Variants in PRKCE observed in about 807,000 individuals in gnomAD.
PRKCE encodes protein kinase C epsilon, also known as protein kinase C epsilon type.
In PRKCE, 16 loss-of-function variants were observed where a neutral mutation model predicts 85.4. The ratio of observed to expected loss-of-function variants is 0.19; its 90% CI spans 0.13 to 0.28. The LOEUF is 0.28. Ranked by LOEUF, PRKCE falls within the 10% of genes least tolerant of loss-of-function variation. PRKCE has a pLI of 1.00. For missense variants in PRKCE, 573 were observed against 975.2 expected, an observed-to-expected ratio of 0.59 and a Z score of 5.49; for synonymous variants, 388 against 371.5, an observed-to-expected ratio of 1.04 and a Z score of -0.51.
intron 10 of PRKCE, among the ~76,000 whole-genome samples, chr2:46,039,818 C>T (rs1421049266): frequency 1.3e-5 from 2 of 152,288 alleles, no homozygotes; most frequent in South Asian, 2.1e-4. Context: ...CTCAGTGGCT[C>T]ATATTCTCCA....
chr2:46,067,459 T>C (rs1574382516), intron 10 of PRKCE, among the ~76,000 whole-genome samples: 1 of 151,920 alleles, frequency 6.6e-6, no homozygotes. Flanking sequence ...AGGCAGTGAG[T>C]TTTATGCTGT....
At chr2:45,667,760 C>T (rs114963835) in intron 1 of PRKCE, among the ~76,000 whole-genome samples, 1 of 151,894 alleles carries the variant, frequency 6.6e-6, no homozygotes, top group Non-Finnish European at 1.5e-5. Flanking sequence ...ACCTCCACAC[C>T]TAGTTTTCCT....
chr2:46,145,841 C>T lies in PRKCE; in HGVS notation c.1731+610C>T, dbSNP rs972661039. Among the ~76,000 whole-genome samples, 19 of 152,018 alleles carry T rather than the reference C, an allele frequency of 1.2e-4. No individual in the cohort carries two copies. The highest frequency in any genetic ancestry group is 4.6e-4 in the African/African-American group (19 of 41,362). On this transcript the variant is annotated intron_variant, in intron 12 of 14. Coordinates refer to ENST00000306156, the MANE Select transcript of PRKCE (RefSeq NM_005400.3). The surrounding 1 kb of genome is among the most constrained non-coding windows in gnomAD (Gnocchi z 4.6). ...CATAATTGCACCATTGCACTCCAGC[C>T]TGGGTGACAGAGCAAGACCCTGTCT...
intron 10 of PRKCE, among the ~76,000 whole-genome samples, chr2:46,035,964 A>T (rs574654534): frequency 6.6e-6 from 1 of 152,338 alleles, no homozygotes; most frequent in South Asian, 2.1e-4. Context: ...AACAAATGAG[A>T]CTGCAAAGCA....
chr2:45,652,061 G>C lies in PRKCE; in HGVS notation c.-40G>C. Reference sequence around the variant, plus strand: ...TCGGTTCTTCATTCCTGCCCTCGGGGCAGACGGAGTGACCCCGGCCCCCAC... The same window carrying C: ...TCGGTTCTTCATTCCTGCCCTCGGGCCAGACGGAGTGACCCCGGCCCCCAC... On this transcript the variant is annotated 5_prime_UTR_variant, in exon 1 of 15. Transcript: ENST00000306156. The surrounding 1 kb of genome is among the most constrained non-coding windows in gnomAD (Gnocchi z 7.7). 6.8e-7 allele frequency: 1 copy of C among 1,472,072 alleles called. No individual in the cohort carries two copies. The highest frequency in any genetic ancestry group is 9.2e-7 in the Non-Finnish European group (1 of 1,090,236). 91.2% of individuals were successfully genotyped at this position (1,472,072 alleles called of 1,614,324 possible).
intron 6 of PRKCE, among the ~76,000 whole-genome samples, chr2:45,994,890 T>G (rs533154704): frequency 6.6e-6 from 1 of 152,366 alleles, no homozygotes; most frequent in Admixed American, 6.5e-5. Context: ...TGGACCACTA[T>G]GCATTCCTAC....
intron 6 of PRKCE, among the ~76,000 whole-genome samples, chr2:45,990,379 G>A (rs996421420): frequency 1.3e-5 from 2 of 152,188 alleles, no homozygotes; most frequent in African/African-American, 2.4e-5. Flanking sequence ...CTGTTCATTA[G>A]AAGAGAATCA....
intron 14 of PRKCE, among the ~76,000 whole-genome samples, chr2:46,179,621 A>T (rs1679773791): frequency 6.6e-6 from 1 of 152,210 alleles, no homozygotes. Flanking sequence ...ATACCCACAA[A>T]GTCCCTAAAC....
intron 8 of PRKCE, among the ~76,000 whole-genome samples, chr2:46,005,546 G>C (rs1307558613): frequency 6.6e-6 from 1 of 152,122 alleles, no homozygotes; most frequent in Admixed American, 6.5e-5. Flanking sequence ...TCAGAGTGTG[G>C]AAAAGTTCTG....
intron 2 of PRKCE, among the ~76,000 whole-genome samples, chr2:45,917,136 T>G (rs1362836956): frequency 2.6e-5 from 4 of 152,174 alleles, no homozygotes; most frequent in African/African-American, 9.7e-5. Flanking sequence ...TAGAGCCCAG[T>G]GGTCTGTTTT....
chr2:45,801,506 AG>A (rs1465149736), intron 1 of PRKCE, among the ~76,000 whole-genome samples: 4 of 30,094 alleles, frequency 1.3e-4, no homozygotes, highest in African/African-American at 1.3e-3. Flanking sequence ...GTGAGTGCTG[AG>A]GGTGAGGGTG....
intron 11 of PRKCE, among the ~76,000 whole-genome samples, chr2:46,123,973 A>C (rs887410305): frequency 6.6e-6 from 1 of 152,252 alleles, no homozygotes; most frequent in Non-Finnish European, 1.5e-5. Flanking sequence ...GGCATGTGTC[A>C]AACAATTTCA....
intron 2 of PRKCE, among the ~76,000 whole-genome samples, chr2:45,883,493 G>A (rs923400500): frequency 6.6e-6 from 1 of 152,216 alleles, no homozygotes; most frequent in East Asian, 1.9e-4. Flanking sequence ...CGTGCTGGGG[G>A]CACAGGCAGG....
intron 11 of PRKCE, among the ~76,000 whole-genome samples, chr2:46,116,539 T>C (rs1291311764): frequency 6.6e-6 from 1 of 152,198 alleles, no homozygotes; most frequent in Non-Finnish European, 1.5e-5. Flanking sequence ...TGGGTTACCG[T>C]GAGTATGTGC....
intron 2 of PRKCE, among the ~76,000 whole-genome samples, chr2:45,910,613 A>G (rs761431482): frequency 2.0e-5 from 3 of 152,174 alleles, no homozygotes; most frequent in East Asian, 1.9e-4. Context: ...CAAGTTTGTT[A>G]TGATCATTAA....
At chr2:45,700,182 G>C (rs1440413892) in intron 1 of PRKCE, among the ~76,000 whole-genome samples, 1 of 147,176 alleles carries the variant, frequency 6.8e-6, no homozygotes, top group African/African-American at 2.5e-5. Context: ...CCGGGAGCCA[G>C]GGTCTCGGTG....
chr2:46,011,074 A>T lies in PRKCE; in HGVS notation c.1437+557A>T, dbSNP rs1202759623. Reference sequence around the variant, plus strand: ...AGAAACAAAGATAATCCATAACTCCATGGTAGAGTCTGACTCGAGTATTAT... The same window carrying T: ...AGAAACAAAGATAATCCATAACTCCTTGGTAGAGTCTGACTCGAGTATTAT... On this transcript the variant is annotated intron_variant, in intron 10 of 14. Coordinates refer to ENST00000306156, the MANE Select transcript of PRKCE (RefSeq NM_005400.3). 7.1e-6 allele frequency: 4 copies of T among 564,906 alleles called. No individual in the cohort carries two copies. In the East Asian group the frequency reaches 2.1e-4, roughly 29 times the overall value. The allele number at this position is 564,906 out of a possible 1,614,324, so 35.0% of individuals were successfully genotyped here.
At chr2:45,976,981 C>G (rs1285188278) in intron 3 of PRKCE, among the ~76,000 whole-genome samples, 1 of 151,894 alleles carries the variant, frequency 6.6e-6, no homozygotes, top group Non-Finnish European at 1.5e-5. Context: ...AATGCAACCT[C>G]TGTCTCCCAG....
At chr2:46,117,932 A>G (rs1672938674) in intron 11 of PRKCE, among the ~76,000 whole-genome samples, 1 of 152,194 alleles carries the variant, frequency 6.6e-6, no homozygotes, top group South Asian at 2.1e-4. Context: ...AGGTAACTCC[A>G]AGACTAGAAA....
Sources: gnomAD v4.1 joint callset for allele counts (sites outside exome capture counted in the v4.1 genomes callset) on GRCh38, gnomAD v4.1.1 for gene constraint, Gnocchi (gnomAD v3.1) non-coding constraint, MANE v1.5 for transcripts, NCBI Gene and HGNC (gene_info 2026-07-23, HGNC 2026-07-21) for gene names.